Variants in CELF2 observed in about 807,000 individuals in gnomAD.
The protein encoded by CELF2 is CUG triplet repeat RNA-binding protein 2.
CELF2 carries 8 observed loss-of-function variants against 62.6 expected under a neutral mutation model. The ratio of observed to expected loss-of-function variants is 0.13; its 90% CI spans 0.07 to 0.23. The LOEUF (loss-of-function observed/expected upper bound fraction) is 0.23, where lower values mean the gene tolerates loss of function less well. Ranked by LOEUF, CELF2 falls within the 10% of genes least tolerant of loss-of-function variation. The probability of loss-of-function intolerance (pLI) is 1.00; values close to 1 mark genes in which losing one functional copy is unlikely to be tolerated. For synonymous variants in CELF2, 258 were observed against 250.0 expected, an observed-to-expected ratio of 1.03 and a Z score of -0.30; for missense variants, 333 against 671.0, an observed-to-expected ratio of 0.50 and a Z score of 5.56.
the CELF2 span, among the ~76,000 whole-genome samples, chr10:10,576,115 A>T: frequency 6.6e-6 from 1 of 152,192 alleles, no homozygotes; most frequent in Non-Finnish European, 1.5e-5. Context: ...CTTTAGCCCC[A>T]GATCTTTTCT....
At chr10:11,251,953 A>G (rs17149935) in intron 4 of CELF2, among the ~76,000 whole-genome samples, 3,560 of 152,294 alleles carry the variant, frequency 0.023, 140 homozygotes, top group African/African-American at 0.081. Context: ...GTACAAATCA[A>G]AACCCCCAAG....
the CELF2 span, among the ~76,000 whole-genome samples, chr10:10,559,271 CAGA>C: frequency 6.6e-6 from 1 of 152,108 alleles, no homozygotes; most frequent in Non-Finnish European, 1.5e-5. Flanking sequence ...ATGTTTTCTC[CAGA>C]ATCATAAAGT....
At chr10:10,779,312 G>A in the CELF2 span, among the ~76,000 whole-genome samples, 2 of 152,156 alleles carry the variant, frequency 1.3e-5, no homozygotes, top group Non-Finnish European at 2.9e-5. Flanking sequence ...GTCACTTAAT[G>A]CAACATATGG....
At chr10:10,870,140 T>G (rs1269594707) in intron 1 of CELF2, among the ~76,000 whole-genome samples, 2 of 152,184 alleles carry the variant, frequency 1.3e-5, no homozygotes, top group African/African-American at 4.8e-5. Context: ...TTTTATGAAT[T>G]CTTAAGAAAA....
intron 1 of CELF2, among the ~76,000 whole-genome samples, chr10:10,804,504 A>G (rs866422179): frequency 1.3e-5 from 2 of 152,232 alleles, no homozygotes; most frequent in Non-Finnish European, 2.9e-5. Flanking sequence ...TGTTATTAGG[A>G]AAAAACTTCA....
the CELF2 span, among the ~76,000 whole-genome samples, chr10:10,598,877 C>T: frequency 6.6e-6 from 1 of 150,740 alleles, no homozygotes; most frequent in South Asian, 2.1e-4. Context: ...CTCAGCCTCC[C>T]CGGTAGCTAG....
intron 1 of CELF2, among the ~76,000 whole-genome samples, chr10:10,889,591 C>T (rs767083297): frequency 1.8e-4 from 27 of 152,194 alleles, no homozygotes; most frequent in South Asian, 4.1e-4. Flanking sequence ...GACCTCCAGC[C>T]GTCTCTGACC....
chr10:10,807,036 C>T (rs1014340097), intron 1 of CELF2, among the ~76,000 whole-genome samples: 3 of 152,082 alleles, frequency 2.0e-5, no homozygotes, highest in Non-Finnish European at 4.4e-5. Context: ...TTAAACTGGG[C>T]CAGATGATAT....
the CELF2 span, among the ~76,000 whole-genome samples, chr10:10,656,014 A>T: frequency 1.3e-5 from 2 of 149,974 alleles, no homozygotes; most frequent in Admixed American, 1.3e-4. Context: ...ATGAACTCAA[A>T]CAAATTTACA....
At chr10:10,727,927 C>T in the CELF2 span, among the ~76,000 whole-genome samples, 1 of 151,998 alleles carries the variant, frequency 6.6e-6, no homozygotes, top group African/African-American at 2.4e-5. Context: ...TGGCACGGAG[C>T]TGCTGGGGAC....
At chr10:10,891,681 G>A (rs897534628) in intron 1 of CELF2, among the ~76,000 whole-genome samples, 6 of 152,078 alleles carry the variant, frequency 3.9e-5, no homozygotes, top group Admixed American at 1.3e-4. Flanking sequence ...GACTCGATGC[G>A]GCTGCTTCGC....
the CELF2 span, among the ~76,000 whole-genome samples, chr10:10,476,251 C>T: frequency 6.6e-6 from 1 of 152,130 alleles, no homozygotes; most frequent in Non-Finnish European, 1.5e-5. Flanking sequence ...AGTCATACAG[C>T]TCTGCCCCTC....
intron 1 of CELF2, among the ~76,000 whole-genome samples, chr10:10,849,301 T>C (rs2059225920): frequency 6.6e-6 from 1 of 151,170 alleles, no homozygotes; most frequent in Non-Finnish European, 1.5e-5. Context: ...TCCCAGCTAC[T>C]TGGGAGGATG....
At chr10:11,249,619 T>C (rs2076566043) in intron 4 of CELF2, among the ~76,000 whole-genome samples, 1 of 152,194 alleles carries the variant, frequency 6.6e-6, no homozygotes, top group African/African-American at 2.4e-5. Context: ...TGGTTTTTGT[T>C]TTTTTACCTT....
intron 1 of CELF2, among the ~76,000 whole-genome samples, chr10:11,022,560 T>C (rs2058501432): frequency 6.6e-6 from 1 of 152,102 alleles, no homozygotes; most frequent in South Asian, 2.1e-4. Flanking sequence ...CCCTGACAGC[T>C]ACAATAACAC....
At position 11,257,774 on chromosome 10, in the gene CELF2, C is replaced by T. The variant is rs746403544; in HGVS notation, c.440C>T (p.Ser147Leu). ...AGAAAATTGTTCATAGGAATGGTAT[C>T]GAAGAAATGTAATGAGAACGACATC... ...EDRKLFIGMV[S>L]KKCNENDIRV... The change falls in exon 5 of 13, where the codon TCG becomes TTG. Residue 147 changes from serine (S) to leucine (L), a missense_variant. This residue lies in a region of CELF2 where 253 missense variants were observed against 503.0 expected (regional missense o/e 0.50). Transcript: ENST00000633077. 1.9e-6 allele frequency: 3 copies of T among 1,613,866 alleles called. No individual in the cohort carries two copies. The highest frequency in any genetic ancestry group is 1.7e-5 in the Admixed American group (1 of 60,000).
At position 11,156,252 on chromosome 10, in the gene CELF2, C is replaced by T. The variant is rs774435628; in HGVS notation, c.75-9234C>T. The stretch of plus-strand genomic sequence containing the variant: ...GTGTTGACTCTCGGATTTAATAGGA[C>T]GGCACTGGACGGGATAACATGGCTC... On this transcript the variant is annotated intron_variant, in intron 1 of 12. Transcript: ENST00000633077. This position sits in a 1 kb window ranked among gnomAD's most constrained non-coding sequence, Gnocchi z 4.3. Among the ~76,000 whole-genome samples the T allele has an allele frequency of 4.6e-5, 7 of 152,090 alleles. No individual in the cohort carries two copies. The highest frequency in any genetic ancestry group is 8.8e-5 in the Non-Finnish European group (6 of 68,022).
intron 2 of CELF2, among the ~76,000 whole-genome samples, chr10:10,941,216 G>C (rs954525682): frequency 9.2e-5 from 14 of 152,160 alleles, no homozygotes; most frequent in Admixed American, 8.5e-4. Context: ...TTCTGGAGGA[G>C]TGAAGAAATG....
chr10:10,861,678 A>C (rs1204418785), intron 1 of CELF2, among the ~76,000 whole-genome samples: 1 of 152,184 alleles, frequency 6.6e-6, no homozygotes, highest in Non-Finnish European at 1.5e-5. Context: ...TCTTGCAAGA[A>C]TTGGATATTC....
Sources: gnomAD v4.1 joint callset for allele counts (sites outside exome capture counted in the v4.1 genomes callset) on GRCh38, gnomAD v4.1.1 for gene constraint, gnomAD v4.1.1 regional missense constraint, Gnocchi (gnomAD v3.1) non-coding constraint, MANE v1.5 for transcripts, NCBI Gene and HGNC (gene_info 2026-07-23, HGNC 2026-07-21) for gene names.